The following PID1 variants were observed in gnomAD, a reference collection of about 807,000 sequenced individuals.
PID1 encodes PTB-containing, cubilin and LRP1-interacting protein.
Under a neutral mutation model 19.1 loss-of-function variants are expected in PID1, and 10 were observed. That is an observed-to-expected ratio of 0.52 (90% CI 0.32 to 0.89). PID1 has a LOEUF of 0.89. PID1 is among the 40% of genes least tolerant of loss of function. The pLI is 0.03. For synonymous variants in PID1, 130 were observed against 116.0 expected (o/e 1.12, Z -0.78); for missense variants, 248 against 285.3 (o/e 0.87, Z 0.94).
chr2:229,027,433 A>G (rs1693448065), intron 2 of PID1, among the ~76,000 whole-genome samples: 1 of 152,198 alleles, frequency 6.6e-6, no homozygotes, highest in South Asian at 2.1e-4. Context: ...ACAGTCTTTG[A>G]GGCAGGTGAA....
chr2:229,087,501 C>A (rs952722682), intron 2 of PID1, among the ~76,000 whole-genome samples: 3 of 152,194 alleles, frequency 2.0e-5, no homozygotes, highest in Non-Finnish European at 2.9e-5. Flanking sequence ...GTTTCCTGAT[C>A]CCAGTACAGG....
chr2:229,071,336 A>C (rs528359692), intron 2 of PID1, among the ~76,000 whole-genome samples: 11 of 152,322 alleles, frequency 7.2e-5, no homozygotes, highest in African/African-American at 2.4e-4. Flanking sequence ...GCTTCAAGCA[A>C]GAGAATTTTT....
intron 1 of PID1, among the ~76,000 whole-genome samples, chr2:229,240,132 A>G (rs1409509407): frequency 6.6e-6 from 1 of 152,194 alleles, no homozygotes; most frequent in Non-Finnish European, 1.5e-5. Flanking sequence ...TTTCATTATT[A>G]CAGATGCAAA....
At chr2:229,072,521 G>C (rs1420146146) in intron 2 of PID1, among the ~76,000 whole-genome samples, 2 of 152,076 alleles carry the variant, frequency 1.3e-5, no homozygotes, top group African/African-American at 4.8e-5. Context: ...CCGGGAAGTG[G>C]AGGTTGCAGT....
At chr2:229,085,817 G>T (rs1694753362) in intron 2 of PID1, among the ~76,000 whole-genome samples, 2 of 152,012 alleles carry the variant, frequency 1.3e-5, no homozygotes, top group African/African-American at 4.8e-5. Flanking sequence ...TAATCCACAT[G>T]ATACTATAAA....
intron 1 of PID1, among the ~76,000 whole-genome samples, chr2:229,222,480 C>T (rs1691991760): frequency 6.6e-6 from 1 of 152,122 alleles, no homozygotes; most frequent in Non-Finnish European, 1.5e-5. Context: ...TTGCTGGTTA[C>T]ACAGACTGTA....
At chr2:229,194,973 A>G (rs928452637) in intron 1 of PID1, among the ~76,000 whole-genome samples, 10 of 151,884 alleles carry the variant, frequency 6.6e-5, no homozygotes, top group Non-Finnish European at 1.3e-4. Context: ...AGTTTAATAT[A>G]TCTTTGCGGA....
intron 1 of PID1, among the ~76,000 whole-genome samples, chr2:229,241,199 T>C (rs1689857812): frequency 6.6e-6 from 1 of 152,132 alleles, no homozygotes; most frequent in South Asian, 2.1e-4. Context: ...GGTCTATTTT[T>C]ATTGACTCCT....
rs7600635 is a variant in PID1, at chr2:229,204,512, C to T, written c.31-48548G>A. Among the ~76,000 whole-genome samples the T allele has an allele frequency of 7.2e-3, 1,090 of 152,202 alleles. 12 individuals are homozygous for T. Among genetic ancestry groups the T allele is most frequent in the African/African-American group, 0.026 (1,059 of 41,518 alleles). ...GATTTTCACATCTTGTCAAGGAGTT[C>T]TCTGATCCCTGCAAGGCCATCTGTG... On this transcript the variant is annotated intron_variant, in intron 1 of 2. Transcript: ENST00000392055.
rs192939535 is a variant in PID1, at chr2:229,102,434, G to C, written c.177+53384C>G. ...GACTCACTAGTTAGAATTCTGAAGA[G>C]AGAAGCTGATCAAGAGGAAGAACCA... On this transcript the variant is annotated intron_variant, in intron 2 of 2. Transcript: ENST00000392055. 1.1e-4 allele frequency among the ~76,000 whole-genome samples: 16 copies of C among 152,304 alleles called. No homozygotes were observed. The East Asian group carries it at 1.7e-3, about 17-fold the overall frequency.
At position 229,165,045 on chromosome 2, in the gene PID1, C is replaced by T. The variant is rs181509065; in HGVS notation, c.31-9081G>A. On this transcript the variant is annotated intron_variant, in intron 1 of 2. Coordinates refer to ENST00000392055, the MANE Select transcript of PID1 (RefSeq NM_001100818.2). ...CAGTTACATTGCCTGCTCGCATCAGCCAGACTGAAAAAACTCATGAGTCAC... is the reference window on the plus strand; with the variant it reads ...CAGTTACATTGCCTGCTCGCATCAGTCAGACTGAAAAAACTCATGAGTCAC... Among the ~76,000 whole-genome samples, 992 of 152,192 alleles carry T rather than the reference C, an allele frequency of 6.5e-3. 7 individuals are homozygous for T. Among genetic ancestry groups the T allele is most frequent in the Non-Finnish European group, 7.5e-3 (507 of 68,004 alleles).
chr2:229,139,167 G>GCAAGTGAGCA (rs1559252042), intron 2 of PID1, among the ~76,000 whole-genome samples: 1 of 71,352 alleles, frequency 1.4e-5, no homozygotes, highest in Non-Finnish European at 3.3e-5. Flanking sequence ...GCGAGCAAGC[G>GCAAGTGAGCA]AGCTTCCCTT....
chr2:229,232,303 G>C (rs762931654), intron 1 of PID1, among the ~76,000 whole-genome samples: 2 of 151,510 alleles, frequency 1.3e-5, no homozygotes, highest in African/African-American at 2.4e-5. Flanking sequence ...GTGGTGACGG[G>C]CACCTGTAGT....
intron 2 of PID1, among the ~76,000 whole-genome samples, chr2:229,026,354 A>G (rs1242983886): frequency 2.0e-5 from 3 of 152,230 alleles, no homozygotes; most frequent in Non-Finnish European, 4.4e-5. Flanking sequence ...TTTCTAGAGA[A>G]CTACTCTCCC....
intron 1 of PID1, among the ~76,000 whole-genome samples, chr2:229,166,961 G>A (rs1690609186): frequency 7.3e-6 from 1 of 137,836 alleles, no homozygotes; most frequent in African/African-American, 2.6e-5. Context: ...GAAAAGAAAA[G>A]AAAGGAAGGG....
intron 2 of PID1, among the ~76,000 whole-genome samples, chr2:229,041,870 G>T (rs1693777610): frequency 6.6e-6 from 1 of 151,994 alleles, no homozygotes; most frequent in Non-Finnish European, 1.5e-5. Flanking sequence ...GACTGAGAAA[G>T]AATAAAGATC....
At chr2:229,087,471 T>C (rs1694792097) in intron 2 of PID1, among the ~76,000 whole-genome samples, 1 of 152,172 alleles carries the variant, frequency 6.6e-6, no homozygotes, top group African/African-American at 2.4e-5. Flanking sequence ...ATCAAATGTC[T>C]CCTGCAAAGG....
At chr2:229,102,120 A>G (rs564464047) in intron 2 of PID1, among the ~76,000 whole-genome samples, 1 of 152,226 alleles carries the variant, frequency 6.6e-6, no homozygotes, top group East Asian at 1.9e-4. Flanking sequence ...AAGGACACAG[A>G]TTCTCCCCTA....
chr2:229,245,938 G>GTT (rs963073727), intron 1 of PID1, among the ~76,000 whole-genome samples: 1 of 152,146 alleles, frequency 6.6e-6, no homozygotes, highest in Non-Finnish European at 1.5e-5. Context: ...TTTGGCTGTA[G>GTT]TTTCGTTGGT....
Sources: allele counts gnomAD v4.1 joint callset (sites outside exome capture counted in the v4.1 genomes callset), GRCh38; gene constraint gnomAD v4.1.1; transcripts MANE v1.5; gene names NCBI Gene and HGNC (gene_info 2026-07-23, HGNC 2026-07-21).